The following RAP1A variants were observed in gnomAD, a reference collection of about 807,000 sequenced individuals.
The protein encoded by RAP1A is ras-related protein Rap-1A.
Under a neutral mutation model 26.4 loss-of-function variants are expected in RAP1A, and 6 were observed. That is an observed-to-expected ratio of 0.23 (90% CI 0.12 to 0.45). RAP1A has a LOEUF of 0.45. RAP1A is among the 20% of genes least tolerant of loss of function. The pLI, the probability that RAP1A is intolerant of heterozygous loss-of-function variation, is 0.99. For missense variants in RAP1A, 121 were observed against 217.2 expected, an observed-to-expected ratio of 0.56 and a Z score of 2.78; for synonymous variants, 73 against 79.4, an observed-to-expected ratio of 0.92 and a Z score of 0.43.
At chr1:111,620,893 A>G (rs1254043576) in intron 1 of RAP1A, among the ~76,000 whole-genome samples, 1 of 152,172 alleles carries the variant, frequency 6.6e-6, no homozygotes, top group Non-Finnish European at 1.5e-5. Context: ...ATTTGTGCCT[A>G]CAAAATGGGA....
chr1:111,688,499 T>C (rs536198361), intron 1 of RAP1A, among the ~76,000 whole-genome samples: 34 of 152,042 alleles, frequency 2.2e-4, no homozygotes, highest in African/African-American at 7.7e-4. Flanking sequence ...TTTTGTACTT[T>C]AGTAGAGACG....
rs538654650 is a variant in RAP1A at position 111,698,369 on chromosome 1, A to G, written c.183+872A>G. On this transcript the variant is annotated intron_variant, in intron 4 of 7. Transcript: ENST00000369709. ...AGTTCACCGCAGTCTCCTGGGCTCA[A>G]ACAGTCTTCCTGCCTCAGCCTCCTG... Among the ~76,000 whole-genome samples the G allele has an allele frequency of 3.3e-5, 5 of 152,220 alleles. No homozygotes were observed. In the South Asian group the frequency reaches 1.0e-3, roughly 32 times the overall value.
chr1:111,635,116 T>C (rs1156804725), intron 1 of RAP1A, among the ~76,000 whole-genome samples: 1 of 152,152 alleles, frequency 6.6e-6, no homozygotes, highest in African/African-American at 2.4e-5. Context: ...ATGGTAAACA[T>C]TTTTCCTTTA....
At chr1:111,701,374 G>A (rs557602415) in intron 4 of RAP1A, among the ~76,000 whole-genome samples, 5 of 152,190 alleles carry the variant, frequency 3.3e-5, no homozygotes, top group African/African-American at 1.2e-4. Flanking sequence ...AATGTTACCC[G>A]TGAGGCCTTC....
intron 1 of RAP1A, among the ~76,000 whole-genome samples, chr1:111,587,167 C>T (rs1054709248): frequency 7.2e-5 from 11 of 152,100 alleles, no homozygotes; most frequent in East Asian, 1.9e-4. Flanking sequence ...ATCCAGGTGG[C>T]TACAAGCAAT....
chr1:111,690,267 AG>A (rs1253382774), intron 1 of RAP1A, among the ~76,000 whole-genome samples: 2 of 152,248 alleles, frequency 1.3e-5, no homozygotes, highest in Non-Finnish European at 2.9e-5. Context: ...TTTTTCAACA[AG>A]GAAGACTTCT....
At chr1:111,547,813 T>G (rs1417786089) in intron 1 of RAP1A, among the ~76,000 whole-genome samples, 1 of 152,208 alleles carries the variant, frequency 6.6e-6, no homozygotes, top group Non-Finnish European at 1.5e-5. Flanking sequence ...GGAGAAAGAC[T>G]CTCTGGTGAA....
chr1:111,688,191 G>A (rs967563986), intron 1 of RAP1A, among the ~76,000 whole-genome samples: 43 of 144,248 alleles, frequency 3.0e-4, no homozygotes, highest in Admixed American at 9.1e-4. Context: ...TGTATTTATC[G>A]TTGTAGGTTG....
chr1:111,618,752 T>C (rs1041525856), upstream of RAP1A, among the ~76,000 whole-genome samples: 1 of 152,112 alleles, frequency 6.6e-6, no homozygotes, highest in African/African-American at 2.4e-5. Flanking sequence ...AAGAATCAAC[T>C]CTTGATTTCT....
chr1:111,562,000 A>G (rs772641944), intron 1 of RAP1A, among the ~76,000 whole-genome samples: 4 of 152,092 alleles, frequency 2.6e-5, no homozygotes, highest in Non-Finnish European at 5.9e-5. Context: ...GATAGAATTC[A>G]AACCCTCCAC....
intron 1 of RAP1A, among the ~76,000 whole-genome samples, chr1:111,560,983 C>T (rs1295010726): frequency 1.3e-5 from 2 of 152,246 alleles, no homozygotes; most frequent in African/African-American, 2.4e-5. Flanking sequence ...CTGTCATCCT[C>T]TGAAAGCCCA....
At chr1:111,686,364 C>T (rs1296349043) in intron 1 of RAP1A, among the ~76,000 whole-genome samples, 5 of 151,956 alleles carry the variant, frequency 3.3e-5, no homozygotes, top group African/African-American at 7.3e-5. Context: ...TTTGGGAGGC[C>T]GAGGCGTCTT....
rs79828768 is a variant in RAP1A at position 111,578,730 on chromosome 1, A to G, written c.-28+36221A>G. Reference sequence around the variant, plus strand: ...ACCCTCTCTGGGTATCCTAGAATCCAATTCTGATTCTATCTACCTGGATAT... The same window carrying G: ...ACCCTCTCTGGGTATCCTAGAATCCGATTCTGATTCTATCTACCTGGATAT... On this transcript the variant is annotated intron_variant, in intron 1 of 7. Coordinates refer to the RAP1A transcript ENST00000356415. 6.3e-3 allele frequency among the ~76,000 whole-genome samples: 963 copies of G among 152,300 alleles called. 3 individuals carry two copies. Among genetic ancestry groups the G allele is most frequent in the Non-Finnish European group, 9.4e-3 (640 of 68,026 alleles).
intron 1 of RAP1A, among the ~76,000 whole-genome samples, chr1:111,662,153 T>A (rs1245159757): frequency 6.6e-6 from 1 of 152,090 alleles, no homozygotes; most frequent in South Asian, 2.1e-4. Context: ...CCCAGCACTT[T>A]GGGAGGCCGA....
At chr1:111,551,018 C>G (rs1479195648) in intron 1 of RAP1A, among the ~76,000 whole-genome samples, 1 of 152,146 alleles carries the variant, frequency 6.6e-6, no homozygotes, top group Non-Finnish European at 1.5e-5. Flanking sequence ...GTCTTGAAGT[C>G]TGACACATTT....
At chr1:111,675,203 C>T (rs370879724) in intron 1 of RAP1A, among the ~76,000 whole-genome samples, 6 of 152,050 alleles carry the variant, frequency 3.9e-5, no homozygotes, top group Admixed American at 1.3e-4. Flanking sequence ...TGTCCTGGGC[C>T]GGGTGTGGTG....
At chr1:111,674,320 A>G (rs1317597087) in intron 1 of RAP1A, among the ~76,000 whole-genome samples, 6 of 151,652 alleles carry the variant, frequency 4.0e-5, no homozygotes, top group African/African-American at 1.5e-4. Context: ...CACCTAATAC[A>G]GATAGAGGTA....
intron 1 of RAP1A, among the ~76,000 whole-genome samples, chr1:111,584,525 C>T (rs1043224414): frequency 6.6e-6 from 1 of 152,102 alleles, no homozygotes; most frequent in Non-Finnish European, 1.5e-5. Context: ...CCTATTCATT[C>T]AGGTGGAGCC....
chr1:111,600,907 A>G (rs1459009238), intron 1 of RAP1A, among the ~76,000 whole-genome samples: 1 of 152,206 alleles, frequency 6.6e-6, no homozygotes. Context: ...ATTAAGAGAA[A>G]AAAGAAACTA....
Sources: gnomAD v4.1 joint callset for allele counts (sites outside exome capture counted in the v4.1 genomes callset) on GRCh38, gnomAD v4.1.1 for gene constraint, MANE v1.5 for transcripts, NCBI Gene and HGNC (gene_info 2026-07-23, HGNC 2026-07-21) for gene names.